Variants in SLC38A11 observed in about 807,000 individuals in gnomAD.
SLC38A11 encodes the protein putative sodium-coupled neutral amino acid transporter 11.
SLC38A11 carries 51 observed loss-of-function variants against 49.4 expected under a neutral mutation model. That is an observed-to-expected ratio of 1.03 (90% confidence interval 0.83 to 1.30). SLC38A11 has a LOEUF of 1.30. Ranked by LOEUF, SLC38A11 falls within the 50% of genes most tolerant of loss-of-function variation. The probability of loss-of-function intolerance (pLI) is 0.00; values close to 1 mark genes in which losing one functional copy is unlikely to be tolerated. For missense variants in SLC38A11, 574 were observed against 556.2 expected, an observed-to-expected ratio of 1.03 and a Z score of -0.32; for synonymous variants, 203 against 192.9, an observed-to-expected ratio of 1.05 and a Z score of -0.43.
At chr2:164,945,083 A>G (rs1288858800) in intron 4 of SLC38A11, among the ~76,000 whole-genome samples, 1 of 152,146 alleles carries the variant, frequency 6.6e-6, no homozygotes, top group Non-Finnish European at 1.5e-5. Context: ...ATATGGAACT[A>G]GTGGTTTGAA....
At chr2:164,904,848 G>A (rs1415003962) in intron 11 of SLC38A11, among the ~76,000 whole-genome samples, 1 of 152,120 alleles carries the variant, frequency 6.6e-6, no homozygotes, top group East Asian at 1.9e-4. Flanking sequence ...AGAGAAATGA[G>A]CATAATTATT....
rs536614622 is a variant in SLC38A11 at position 164,934,401 on chromosome 2, A to C, written c.617+2949T>G. Among the ~76,000 whole-genome samples, 9 of 152,284 alleles carry C rather than the reference A, an allele frequency of 5.9e-5. No individual in the cohort carries two copies. The East Asian group carries it at 1.5e-3, about 26-fold the overall frequency. ...TCATTATTTTAATCTCTTTAAACCA[A>C]GAGGCTTTAGAATCTTTGTTCATAG... On this transcript the variant is annotated intron_variant, in intron 7 of 11. Transcript: ENST00000685975.
At position 164,911,745 on chromosome 2, in the gene SLC38A11, T is replaced by C; in HGVS notation, c.854A>G (p.Asp285Gly). 6.4e-7 allele frequency: 1 copy of C among 1,560,228 alleles called. No individual in the cohort carries two copies. Among genetic ancestry groups the C allele is most frequent in the Non-Finnish European group, 8.8e-7 (1 of 1,142,356 alleles). ...ATTTCTGCAGTAATTTTCAAATAAG[T>C]CCCCTAGATAGTAATATAAAATAAG... is the stretch of plus-strand genomic sequence containing the variant. The part of the protein sequence containing the change: ...YLTFTGFTQG[D>G]LFENYCRNDD... Residue 285 changes from aspartate to glycine, a missense_variant, in exon 10 of 12, where the codon GAC (aspartate) becomes GGC (glycine). Physicochemically the swap from Asp to Gly is moderately conservative, Grantham distance 94. Transcript: ENST00000685975.
intron 7 of SLC38A11, among the ~76,000 whole-genome samples, chr2:164,925,556 C>T (rs1287393666): frequency 6.6e-6 from 1 of 152,134 alleles, no homozygotes; most frequent in Non-Finnish European, 1.5e-5. Context: ...TTCTACTCCT[C>T]TTCCCACAAG....
chr2:164,934,180 C>A (rs1038085224), intron 7 of SLC38A11, among the ~76,000 whole-genome samples: 2 of 151,940 alleles, frequency 1.3e-5, no homozygotes, highest in Non-Finnish European at 2.9e-5. Flanking sequence ...CACTAAACTG[C>A]GAGCCCCTTA....
At chr2:164,943,538 A>G (rs1327638488) in intron 5 of SLC38A11, among the ~76,000 whole-genome samples, 1 of 152,236 alleles carries the variant, frequency 6.6e-6, no homozygotes, top group African/African-American at 2.4e-5. Flanking sequence ...GGCATTCTGA[A>G]AAAAGCAAAA....
intron 11 of SLC38A11, among the ~76,000 whole-genome samples, chr2:164,908,413 C>T (rs541448714): frequency 2.0e-4 from 30 of 152,222 alleles, no homozygotes; most frequent in Non-Finnish European, 3.8e-4. Flanking sequence ...GCACTGCCTA[C>T]CCAGTTGTGA....
intron 7 of SLC38A11, among the ~76,000 whole-genome samples, chr2:164,930,076 A>T (rs976903037): frequency 2.0e-5 from 3 of 152,094 alleles, no homozygotes; most frequent in Non-Finnish European, 4.4e-5. Flanking sequence ...GAATATTACC[A>T]CTGACCCCAC....
rs141659970 is a variant in SLC38A11 at position 164,935,145 on chromosome 2, C to T, written c.617+2205G>A. ...TTCCCTTTCATGTTTCTGCTTTGCA[C>T]TTATCACCTTGTACTGTCATTGATT... On this transcript the variant is annotated intron_variant, in intron 7 of 11. Transcript: ENST00000685975. Among the ~76,000 whole-genome samples, 1,268 of 151,932 alleles carry T rather than the reference C, an allele frequency of 8.3e-3. 6 individuals carry two copies. Among genetic ancestry groups the T allele is most frequent in the Non-Finnish European group, 0.01 (706 of 67,960 alleles).
At chr2:164,938,997 C>T (rs970095627) in intron 6 of SLC38A11, among the ~76,000 whole-genome samples, 8 of 152,034 alleles carry the variant, frequency 5.3e-5, no homozygotes, top group African/African-American at 1.9e-4. Context: ...CCAATCAACA[C>T]ATTGCAAATT....
intron 7 of SLC38A11, among the ~76,000 whole-genome samples, chr2:164,917,063 T>C: frequency 6.6e-6 from 1 of 152,158 alleles, no homozygotes; most frequent in East Asian, 1.9e-4. Context: ...CAGTTATTAG[T>C]ATTAATGTTA....
intron 7 of SLC38A11, among the ~76,000 whole-genome samples, chr2:164,927,725 A>C (rs1686701381): frequency 6.6e-6 from 1 of 152,156 alleles, no homozygotes; most frequent in South Asian, 2.1e-4. Context: ...ACAAAAAGCC[A>C]TGTATTTTCT....
At chr2:164,934,253 T>TA (rs1687204674) in intron 7 of SLC38A11, among the ~76,000 whole-genome samples, 5 of 151,972 alleles carry the variant, frequency 3.3e-5, no homozygotes, top group South Asian at 4.1e-4. Context: ...ACTTTGTACA[T>TA]AAAAAATACT....
intron 11 of SLC38A11, 61 bp from the exon 12 acceptor site, chr2:164,898,791 TTTTAAAAGCA>T: frequency 1.3e-5 from 19 of 1,503,116 alleles, no homozygotes; most frequent in Non-Finnish European, 1.7e-5. Context: ...TTCGGACAGC[TTTTAAAAGCA>T]TTTACAAAAT....
chr2:164,904,941 G>A (rs535516852), intron 11 of SLC38A11, among the ~76,000 whole-genome samples: 1 of 152,132 alleles, frequency 6.6e-6, no homozygotes, highest in Admixed American at 6.6e-5. Flanking sequence ...CCAAATGCCT[G>A]TGTTCAAATC....
At chr2:164,907,230 T>G (rs987812786) in intron 11 of SLC38A11, among the ~76,000 whole-genome samples, 5 of 151,882 alleles carry the variant, frequency 3.3e-5, no homozygotes, top group African/African-American at 9.7e-5. Flanking sequence ...CTGAAAAATG[T>G]GTTTTGGGAA....
At chr2:164,922,727 T>C (rs1199387661) in intron 7 of SLC38A11, among the ~76,000 whole-genome samples, 1 of 152,112 alleles carries the variant, frequency 6.6e-6, no homozygotes, top group African/African-American at 2.4e-5. Flanking sequence ...AAAAAACTAT[T>C]ATGAAATTCG....
At chr2:164,929,703 T>C (rs930861534) in intron 7 of SLC38A11, among the ~76,000 whole-genome samples, 1 of 152,166 alleles carries the variant, frequency 6.6e-6, no homozygotes, top group Non-Finnish European at 1.5e-5. Context: ...TTAAGGGAAG[T>C]AAATTCTCTT....
rs981451954 is a variant in SLC38A11, at chr2:164,895,234, G to A, written c.*3203C>T. Among the ~76,000 whole-genome samples, 1 of 152,158 alleles carries A rather than the reference G, an allele frequency of 6.6e-6. No individual in the cohort carries two copies. Among genetic ancestry groups the A allele is most frequent in the Non-Finnish European group, 1.5e-5 (1 of 68,030 alleles). Reference sequence around the variant, plus strand: ...CATCTCTGGTCCACTCTACATATTTGCTCTGCTATCTTGGCAAATTCTTTA... The same window carrying A: ...CATCTCTGGTCCACTCTACATATTTACTCTGCTATCTTGGCAAATTCTTTA... On this transcript the variant is annotated 3_prime_UTR_variant, in exon 12 of 12. Transcript: ENST00000685975.
Sources: gnomAD v4.1 joint callset for allele counts (sites outside exome capture counted in the v4.1 genomes callset) on GRCh38, gnomAD v4.1.1 for gene constraint, MANE v1.5 for transcripts, NCBI Gene and HGNC (gene_info 2026-07-23, HGNC 2026-07-21) for gene names.